Variants in PACC1 observed in about 807,000 individuals in gnomAD.
PACC1 encodes proton-activated chloride channel.
In PACC1, 34 loss-of-function variants were observed where a neutral mutation model predicts 39.7. That is an observed-to-expected ratio of 0.86 (90% confidence interval 0.65 to 1.14). The LOEUF (loss-of-function observed/expected upper bound fraction) is 1.14, where lower values mean the gene tolerates loss of function less well. Among genes scored for constraint, PACC1 ranks in the 50% most tolerant of loss-of-function variants. The pLI, the probability that PACC1 is intolerant of heterozygous loss-of-function variation, is 0.00. For missense variants in PACC1, 379 were observed against 436.4 expected (o/e 0.87, Z 1.17); for synonymous variants, 127 against 160.6 (o/e 0.79, Z 1.58).
intron 2 of PACC1, among the ~76,000 whole-genome samples, chr1:212,405,439 A>G (rs1251571353): frequency 6.6e-6 from 1 of 152,256 alleles, no homozygotes; most frequent in Non-Finnish European, 1.5e-5. Flanking sequence ...TACAAAGGAA[A>G]GCATATCACA....
chr1:212,385,026 C>T (rs1313764337), intron 4 of PACC1, among the ~76,000 whole-genome samples: 1 of 152,244 alleles, frequency 6.6e-6, no homozygotes, highest in East Asian at 1.9e-4. Context: ...GGGACAGGGT[C>T]TCACCGCACT....
intron 2 of PACC1, among the ~76,000 whole-genome samples, chr1:212,396,621 GA>G (rs1224799469): frequency 3.4e-5 from 4 of 116,478 alleles, no homozygotes; most frequent in African/African-American, 1.3e-4. Context: ...AAAGAAATCT[GA>G]AAAAAAAATG....
At chr1:212,370,311 C>CA (rs1013195976) in intron 7 of PACC1, among the ~76,000 whole-genome samples, 4 of 151,878 alleles carry the variant, frequency 2.6e-5, no homozygotes, top group African/African-American at 4.8e-5. Context: ...CCAAAAAATA[C>CA]AAAAAAAATT....
At chr1:212,413,015 C>T (rs1662192360) in intron 1 of PACC1, among the ~76,000 whole-genome samples, 1 of 152,222 alleles carries the variant, frequency 6.6e-6, no homozygotes, top group Non-Finnish European at 1.5e-5. Context: ...CAGCCAGGCA[C>T]GAACGTGGGC....
intron 2 of PACC1, among the ~76,000 whole-genome samples, chr1:212,393,652 G>A (rs563015271): frequency 6.4e-4 from 98 of 152,190 alleles, no homozygotes; most frequent in African/African-American, 2.3e-3. Flanking sequence ...CCAGGAGCTG[G>A]TTTTTTGAAA....
chr1:212,377,697 C>T lies in PACC1; in HGVS notation c.648G>A (p.Arg216=). The change falls in exon 6 of 8, where the codon AGG becomes AGA. Residue 216 remains arginine (R), a synonymous_variant. Coordinates refer to ENST00000261455, the MANE Select transcript of PACC1 (RefSeq NM_018252.3). ...SFQEFLQSPN[R]VGFMQACESA... ...TCTCACAGGCCTGCATGAAGCCTACCCTGTTTGGGCTTGGAGGAAGGAAGG... is the reference window on the plus strand; with the variant it reads ...TCTCACAGGCCTGCATGAAGCCTACTCTGTTTGGGCTTGGAGGAAGGAAGG... 1.2e-6 allele frequency: 2 copies of T among 1,614,052 alleles called. No individual in the cohort carries two copies. The highest frequency in any genetic ancestry group is 1.3e-5 in the African/African-American group (1 of 75,020).
chr1:212,382,998 T>C (rs988374734), intron 4 of PACC1, among the ~76,000 whole-genome samples: 17 of 152,216 alleles, frequency 1.1e-4, no homozygotes, highest in Admixed American at 9.8e-4. Context: ...GCCCTTCCCC[T>C]TCTTCCTTTT....
chr1:212,378,311 G>T (rs1388608732), intron 5 of PACC1, among the ~76,000 whole-genome samples: 1 of 152,230 alleles, frequency 6.6e-6, no homozygotes, highest in Non-Finnish European at 1.5e-5. Flanking sequence ...GTGGGGGTGG[G>T]ATCCCGGGGA....
At chr1:212,385,536 C>T (rs1661071067) in intron 3 of PACC1, 111 bp from the exon 4 acceptor site, 2 of 1,173,706 alleles carry the variant, frequency 1.7e-6, no homozygotes, top group Non-Finnish European at 1.2e-6. Flanking sequence ...TGGAGGACTG[C>T]AGGGAAGGGA....
intron 7 of PACC1, among the ~76,000 whole-genome samples, chr1:212,373,499 G>C (rs769616360): frequency 1.3e-5 from 2 of 152,106 alleles, no homozygotes; most frequent in African/African-American, 4.8e-5. Context: ...AGAAAAATGG[G>C]ATTACATTAA....
chr1:212,364,096 TAAAACTCTG>T lies in PACC1; in HGVS notation c.*1110_*1118del, dbSNP rs1237724209. 1.3e-5 allele frequency: 2 copies of T among 152,226 alleles called. No individual in the cohort carries two copies. Among genetic ancestry groups the T allele is most frequent in the Non-Finnish European group, 2.9e-5 (2 of 68,038 alleles). The allele number at this position is 152,226 out of a possible 1,614,324, so 9.4% of individuals were successfully genotyped here. A position where few individuals can be genotyped will look rare whatever the true frequency, so the allele number is the denominator to read the frequency against. ...TGAAGCAACAGGCACATAAATAATT[TAAAACTCTG>T]GAAACAATTTTTAGAACCTTAATGT... On this transcript the variant is annotated 3_prime_UTR_variant, in exon 8 of 8. Transcript: ENST00000261455.
At chr1:212,407,016 A>G (rs983108001) in intron 2 of PACC1, among the ~76,000 whole-genome samples, 1 of 152,188 alleles carries the variant, frequency 6.6e-6, no homozygotes, top group African/African-American at 2.4e-5. Flanking sequence ...AAGGCTCCCA[A>G]AGATGTCCAA....
chr1:212,400,046 A>T (rs925510856), intron 2 of PACC1, among the ~76,000 whole-genome samples: 1 of 152,006 alleles, frequency 6.6e-6, no homozygotes, highest in African/African-American at 2.4e-5. Context: ...GGCTTTCACC[A>T]TGTTAGCCAG....
At chr1:212,388,412 A>C (rs1357838435) in intron 2 of PACC1, among the ~76,000 whole-genome samples, 1 of 152,218 alleles carries the variant, frequency 6.6e-6, no homozygotes. Context: ...AGCTAGATTA[A>C]TCTCTGTTAT....
intron 2 of PACC1, among the ~76,000 whole-genome samples, chr1:212,390,942 G>A (rs571057526): frequency 3.9e-4 from 60 of 152,332 alleles, no homozygotes; most frequent in African/African-American, 1.4e-3. Flanking sequence ...AAAGCGGCCG[G>A]GAAGCTCGAA....
intron 2 of PACC1, among the ~76,000 whole-genome samples, chr1:212,390,871 C>A (rs1283799325): frequency 6.6e-6 from 1 of 152,226 alleles, no homozygotes; most frequent in Non-Finnish European, 1.5e-5. Flanking sequence ...GATCCAACTG[C>A]AAGGCGGCAG....
At chr1:212,378,798 G>A (rs1056980558) in intron 5 of PACC1, among the ~76,000 whole-genome samples, 1 of 152,084 alleles carries the variant, frequency 6.6e-6, no homozygotes, top group African/African-American at 2.4e-5. Flanking sequence ...GTCCACTCAC[G>A]TGCGGATTTT....
intron 7 of PACC1, among the ~76,000 whole-genome samples, chr1:212,366,367 C>A (rs1181837110): frequency 7.2e-6 from 1 of 139,260 alleles, no homozygotes; most frequent in African/African-American, 2.8e-5. Flanking sequence ...GTGGCGCGAT[C>A]TCAGTTCACT....
At chr1:212,385,455 C>T (rs757196963) in intron 3 of PACC1, 30 bp from the exon 4 acceptor site, 33 of 1,613,162 alleles carry the variant, frequency 2.0e-5, no homozygotes, top group Non-Finnish European at 2.7e-5. Context: ...AAGCAAGTGT[C>T]AGAAATCACA....
Sources: allele counts gnomAD v4.1 joint callset (sites outside exome capture counted in the v4.1 genomes callset), GRCh38; gene constraint gnomAD v4.1.1; transcripts MANE v1.5; gene names NCBI Gene and HGNC (gene_info 2026-07-23, HGNC 2026-07-21).